DOCK6: variants seen among roughly 807,000 people sequenced by gnomAD.
The protein encoded by DOCK6 is dedicator of cytokinesis protein 6.
In DOCK6, 167 loss-of-function variants were observed where a neutral mutation model predicts 230.3. The observed-to-expected ratio is 0.73, with a 90% CI of 0.64 to 0.82. The LOEUF (loss-of-function observed/expected upper bound fraction) is 0.82, where lower values mean the gene tolerates loss of function less well. DOCK6 is among the 40% of genes least tolerant of loss of function. The probability of loss-of-function intolerance (pLI) is 0.00; values close to 1 mark genes in which losing one functional copy is unlikely to be tolerated. For missense variants in DOCK6, 2,598 were observed against 2,825.8 expected (o/e 0.92, Z 1.83); for synonymous variants, 1,148 against 1,185.0 (o/e 0.97, Z 0.64).
At chr19:11,212,983 A>T (rs2079416577) in intron 35 of DOCK6, among the ~76,000 whole-genome samples, 193 bp downstream of exon 35, 1 of 141,778 alleles carries the variant, frequency 7.1e-6, no homozygotes, top group Non-Finnish European at 1.5e-5. Context: ...TGATCCTCTC[A>T]CCTCAGCCTC....
intron 7 of DOCK6, 129 bp from the exon 8 acceptor site, chr19:11,246,007 G>A: frequency 9.6e-7 from 1 of 1,039,478 alleles, no homozygotes; most frequent in Non-Finnish European, 1.4e-6. Flanking sequence ...CCACTTAAGG[G>A]CTTGCAGAAA....
intron 39 of DOCK6, among the ~76,000 whole-genome samples, chr19:11,207,034 C>T (rs1251775172): frequency 6.6e-6 from 1 of 151,892 alleles, no homozygotes; most frequent in Non-Finnish European, 1.5e-5. Context: ...GGGGTTTCAC[C>T]ATGTTGGCCA....
chr19:11,229,776 T>G (rs2079734195), intron 22 of DOCK6, among the ~76,000 whole-genome samples: 1 of 151,674 alleles, frequency 6.6e-6, no homozygotes, highest in Non-Finnish European at 1.5e-5. Flanking sequence ...TCCCAGCACT[T>G]TGGGAGGCTG....
chr19:11,250,926 C>A lies in DOCK6; in HGVS notation c.668G>T (p.Arg223Leu), dbSNP rs1222202050. Residue 223 changes from arginine (R) to leucine (L), a missense_variant, in exon 6 of 48, where the codon CGA (arginine) becomes CTA (leucine). Arg to Leu is a moderately radical substitution (Grantham distance 102). Transcript: ENST00000294618. ...EDVDRRNETLRRQHRPPALLT... is the reference protein window; with the variant it reads ...EDVDRRNETLLRQHRPPALLT... ...CAGGGCCGGGGGCCGGTGCTGCCGT[C>A]GAAGGGTTTCATTGCGCCGGTCCAC... 1 of 1,609,342 alleles carries A rather than the reference C, an allele frequency of 6.2e-7. No homozygotes were observed.
intron 28 of DOCK6, among the ~76,000 whole-genome samples, chr19:11,219,458 G>A (rs2079547665): frequency 6.6e-6 from 1 of 151,234 alleles, no homozygotes; most frequent in Middle Eastern, 3.2e-3. Context: ...AAAGTGCTGG[G>A]ACTACAGGCA....
chr19:11,226,814 A>T (rs1029215368), intron 24 of DOCK6, among the ~76,000 whole-genome samples: 2 of 152,236 alleles, frequency 1.3e-5, no homozygotes, highest in African/African-American at 4.8e-5. Context: ...GGCCTGAACA[A>T]GTCCACTGTC....
At chr19:11,232,142 T>G in intron 22 of DOCK6, 4 of 1,255,496 alleles carry the variant, frequency 3.2e-6, no homozygotes, top group Non-Finnish European at 4.2e-6. Context: ...GAGCTCATGC[T>G]GAGGTGGTGT....
At chr19:11,220,692 A>G (rs1319247245) in intron 28 of DOCK6, among the ~76,000 whole-genome samples, 2 of 152,240 alleles carry the variant, frequency 1.3e-5, no homozygotes, top group Non-Finnish European at 2.9e-5. Context: ...GTCAGCAAAC[A>G]GAAACTTTTA....
Position 11,221,829 on chromosome 19 carries a change from C to T in DOCK6, c.3550+22G>A, listed in dbSNP as rs3826815. 193,972 of 1,613,384 alleles carry T rather than the reference C, an allele frequency of 0.12. 13,488 individuals are homozygous for T. The highest frequency in any genetic ancestry group is 0.25 in the Admixed American group (15,025 of 60,010). ...ACCAAGTCCCTGGATCATGTGACCC[C>T]ATCTTCCCCTGGCCCACTGACCAGC... On this transcript the variant is annotated intron_variant, in intron 28 of 47. Transcript: ENST00000294618.
rs1161730240 is a variant in DOCK6 at position 11,200,827 on chromosome 19, G to A, written c.5833-5C>T. 3 of 1,612,432 alleles carry A rather than the reference G, an allele frequency of 1.9e-6. No homozygotes were observed. The highest frequency in any genetic ancestry group is 2.5e-6 in the Non-Finnish European group (3 of 1,178,748). Reference sequence around the variant, plus strand: ...CTGGGCCACCTCCAGGGGACCCTGTGGGGTGAGAGGGACTGGTGAGCCAGC... The same window carrying A: ...CTGGGCCACCTCCAGGGGACCCTGTAGGGTGAGAGGGACTGGTGAGCCAGC... On this transcript the variant is annotated splice_polypyrimidine_tract_variant and splice_region_variant and intron_variant, in intron 45 of 47. Coordinates refer to ENST00000294618, the MANE Select transcript of DOCK6 (RefSeq NM_020812.4). The surrounding 1 kb of genome is among the most constrained non-coding windows in gnomAD (Gnocchi z 4.3).
chr19:11,259,112 C>T (rs576486405), intron 1 of DOCK6, among the ~76,000 whole-genome samples: 13 of 152,052 alleles, frequency 8.5e-5, no homozygotes, highest in Non-Finnish European at 1.0e-4. Flanking sequence ...AGTGCAGTGG[C>T]GCAATCACGG....
chr19:11,235,873 AC>A, intron 20 of DOCK6, 114 bp from the exon 21 acceptor site: 86 of 1,302,346 alleles, frequency 6.6e-5, no homozygotes, highest in Non-Finnish European at 8.0e-5. Flanking sequence ...TTAAGGGGTC[AC>A]AAATTTTTTT....
At chr19:11,246,550 C>T (rs950991572) in intron 7 of DOCK6, among the ~76,000 whole-genome samples, 2 of 152,200 alleles carry the variant, frequency 1.3e-5, no homozygotes, top group Non-Finnish European at 2.9e-5. Context: ...AGGCGTGAGC[C>T]ACCGCGCCCC....
intron 24 of DOCK6, among the ~76,000 whole-genome samples, chr19:11,225,108 G>A (rs1487965530): frequency 6.6e-6 from 1 of 150,788 alleles, no homozygotes; most frequent in Non-Finnish European, 1.5e-5. Flanking sequence ...CACCCCTGTA[G>A]TCCCAGCTAC....
At position 11,236,440 on chromosome 19, in the gene DOCK6, C is replaced by T. The variant is rs1483335694; in HGVS notation, c.2298G>A (p.Leu766=). Residue 766 remains leucine (L), a synonymous_variant, in exon 20 of 48, where the codon CTG becomes CTA. Transcript: ENST00000294618. This position sits in a 1 kb window ranked among gnomAD's most constrained non-coding sequence, Gnocchi z 5.2. The part of the protein sequence containing the change: ...ELRASLAALR[L]ASPEPLVAFS... ...AGGCCACAAGGGGTTCGGGGCTGGC[C>T]AGGCGCAGTGCTGCAAGACTGGCCC... 6.3e-7 allele frequency: 1 copy of T among 1,590,610 alleles called. No individual in the cohort carries two copies. Among genetic ancestry groups the T allele is most frequent in the Admixed American group, 1.8e-5 (1 of 56,178 alleles).
At chr19:11,237,332 C>CG (rs1283114492) in intron 18 of DOCK6, 124 bp downstream of exon 18, 1 of 985,774 alleles carries the variant, frequency 1.0e-6, no homozygotes, top group African/African-American at 1.6e-5. Flanking sequence ...ATGAGCTACA[C>CG]GGGGGCCCTG....
At chr19:11,215,976 G>A (rs758749467) in intron 30 of DOCK6, 49 bp from the exon 31 acceptor site, 11 of 1,610,354 alleles carry the variant, frequency 6.8e-6, no homozygotes, top group East Asian at 4.5e-5. Flanking sequence ...CTCTTTTCGG[G>A]GGGACCTGGG....
At chr19:11,233,143 C>A in intron 22 of DOCK6, 60 bp downstream of exon 22, 2 of 1,579,402 alleles carry the variant, frequency 1.3e-6, no homozygotes, top group Non-Finnish European at 1.7e-6. Context: ...GATTCTTCGC[C>A]CACACACGTG....
chr19:11,219,174 GTTTTTTTTTT>G (rs778505119), intron 28 of DOCK6, among the ~76,000 whole-genome samples: 16 of 77,274 alleles, frequency 2.1e-4, no homozygotes, highest in Non-Finnish European at 3.2e-4. Flanking sequence ...ACTGCGCCCG[GTTTTTTTTTT>G]TTTTTTTTTT....
Sources: gnomAD v4.1 joint callset for allele counts (sites outside exome capture counted in the v4.1 genomes callset) on GRCh38, gnomAD v4.1.1 for gene constraint, Gnocchi (gnomAD v3.1) non-coding constraint, MANE v1.5 for transcripts, NCBI Gene and HGNC (gene_info 2026-07-23, HGNC 2026-07-21) for gene names.